ODR4: variants seen among roughly 807,000 people sequenced by gnomAD.
The protein encoded by ODR4 is protein odr-4 homolog.
In ODR4, 47 loss-of-function variants were observed where a neutral mutation model predicts 60.2. The ratio of observed to expected loss-of-function variants is 0.78; its 90% confidence interval spans 0.62 to 1.00. ODR4 has a LOEUF of 1.00. ODR4 is among the 50% of genes least tolerant of loss of function. The pLI is 0.00. For synonymous variants in ODR4, 178 were observed against 175.5 expected (o/e 1.01, Z -0.11); for missense variants, 488 against 530.8 (o/e 0.92, Z 0.79).
chr1:186,389,556 T>G (rs567677167), intron 5 of ODR4, 32 bp from the exon 6 acceptor site: 2 of 1,498,652 alleles, frequency 1.3e-6, no homozygotes, highest in East Asian at 2.3e-5. Flanking sequence ...AATAATGCCT[T>G]TTTTGGTTAT....
chr1:186,381,491 C>T (rs1384026379), intron 2 of ODR4, among the ~76,000 whole-genome samples: 16 of 152,070 alleles, frequency 1.1e-4, no homozygotes, highest in Admixed American at 1.0e-3. Flanking sequence ...CCTCGCCCGG[C>T]TAATTTTTTG....
intron 12 of ODR4, among the ~76,000 whole-genome samples, chr1:186,406,496 T>G (rs1661178938): frequency 6.6e-6 from 1 of 152,258 alleles, no homozygotes; most frequent in East Asian, 1.9e-4. Flanking sequence ...TACTAAGGTA[T>G]TTTTCAAGCT....
chr1:186,384,020 C>CAA (rs2102021077), intron 3 of ODR4, among the ~76,000 whole-genome samples: 1 of 152,286 alleles, frequency 6.6e-6, no homozygotes, highest in East Asian at 1.9e-4. Context: ...GACTGGGCGA[C>CAA]AAAGCGAGAC....
intron 4 of ODR4, among the ~76,000 whole-genome samples, chr1:186,387,769 C>T (rs1005270495): frequency 1.3e-5 from 2 of 152,180 alleles, no homozygotes; most frequent in Admixed American, 1.3e-4. Context: ...AGATTTCTCT[C>T]TGCACATTAT....
Position 186,419,273 on chromosome 1 carries a change from C to T in ODR4, c.*197C>T. On this transcript the variant is annotated 3_prime_UTR_variant, in exon 14 of 14. Coordinates refer to ENST00000287859, the MANE Select transcript of ODR4 (RefSeq NM_017847.6). ...CCTGCTTTACATTGTAGGTGGCCCG[C>T]ATTTCCAGAAATAACGTTATGCATC... The T allele has an allele frequency of 1.8e-6, 1 of 568,336 alleles. No individual in the cohort carries two copies. Among genetic ancestry groups the T allele is most frequent in the Non-Finnish European group, 3.1e-6 (1 of 319,798 alleles). 35.2% of individuals were successfully genotyped at this position (568,336 alleles called of 1,614,324 possible).
chr1:186,388,618 C>A, intron 5 of ODR4, 70 bp downstream of exon 5: 2 of 875,330 alleles, frequency 2.3e-6, no homozygotes, highest in Non-Finnish European at 3.3e-6. Context: ...GGTTTTTTTG[C>A]TATTTATTTA....
intron 11 of ODR4, among the ~76,000 whole-genome samples, chr1:186,401,759 C>T (rs1025257572): frequency 6.6e-6 from 1 of 151,978 alleles, no homozygotes; most frequent in African/African-American, 2.4e-5. Flanking sequence ...ATTTGGTTTG[C>T]TAGTATTTTG....
At chr1:186,389,172 A>T (rs969286966) in intron 5 of ODR4, among the ~76,000 whole-genome samples, 1 of 152,154 alleles carries the variant, frequency 6.6e-6, no homozygotes, top group Non-Finnish European at 1.5e-5. Flanking sequence ...AACAACAAAA[A>T]AAATCTTTAG....
chr1:186,379,240 C>G (rs546704223), intron 1 of ODR4, among the ~76,000 whole-genome samples: 1 of 151,652 alleles, frequency 6.6e-6, no homozygotes, highest in Non-Finnish European at 1.5e-5. Context: ...GTCAGGAGTT[C>G]GAGACCAGCC....
chr1:186,398,380 G>A lies in ODR4; in HGVS notation c.848G>A (p.Gly283Asp), dbSNP rs1374224574. 2 of 1,611,534 alleles carry A rather than the reference G, an allele frequency of 1.2e-6. No individual in the cohort carries two copies. Among genetic ancestry groups the A allele is most frequent in the Non-Finnish European group, 8.5e-7 (1 of 1,178,514 alleles). The change falls in exon 10 of 14, where the codon GGT becomes GAT. Residue 283 changes from glycine to aspartate, a missense_variant. Transcript: ENST00000287859. ...TGTAGCGGTTCTGTAAACCTTAAGG[G>A]TGCTGTGAAATGCAGAGCTTATATC... The part of the protein sequence containing the change: ...QICSGSVNLK[G>D]AVKCRAYIHS...
intron 11 of ODR4, among the ~76,000 whole-genome samples, chr1:186,404,229 C>T (rs1383606827): frequency 6.6e-6 from 1 of 152,102 alleles, no homozygotes; most frequent in Non-Finnish European, 1.5e-5. Flanking sequence ...CTTTGGAGTG[C>T]TTTTTGAGAT....
chr1:186,409,935 T>C (rs1661308748), intron 12 of ODR4, among the ~76,000 whole-genome samples: 2 of 152,238 alleles, frequency 1.3e-5, no homozygotes, highest in African/African-American at 2.4e-5. Context: ...CACTAAACTT[T>C]CTTGTAGTTC....
downstream of ODR4, among the ~76,000 whole-genome samples, chr1:186,425,500 C>T (rs1190779614): frequency 6.6e-6 from 1 of 152,162 alleles, no homozygotes; most frequent in Non-Finnish European, 1.5e-5. Flanking sequence ...AAGATCTTGA[C>T]TTTGCTCTGA....
rs1571668434 is a variant in ODR4 at position 186,388,570 on chromosome 1, G to A, written c.437+22G>A. 4 of 1,339,570 alleles carry A rather than the reference G, an allele frequency of 3.0e-6. No homozygotes were observed. In the African/African-American group the frequency reaches 4.5e-5, roughly 15 times the overall value. 83.0% of individuals were successfully genotyped at this position (1,339,570 alleles called of 1,614,324 possible). ...AAAAGTATCTTTTGTTCAGTTTATG[G>A]TTTAAAAGTACAAAGTACCAAAATA... On this transcript the variant is annotated intron_variant, in intron 5 of 13. Coordinates refer to ENST00000287859, the MANE Select transcript of ODR4 (RefSeq NM_017847.6).
intron 9 of ODR4, among the ~76,000 whole-genome samples, chr1:186,397,258 G>A (rs1220031193): frequency 2.0e-5 from 3 of 152,078 alleles, no homozygotes; most frequent in Admixed American, 6.6e-5. Flanking sequence ...ATTTATTCCT[G>A]ATTGCATAAG....
chr1:186,415,520 GTT>G (rs1488292325), intron 12 of ODR4, among the ~76,000 whole-genome samples: 16 of 152,110 alleles, frequency 1.1e-4, no homozygotes, highest in African/African-American at 3.6e-4. Flanking sequence ...TCATAATCTA[GTT>G]CCCTGGAGTT....
chr1:186,376,558 C>T (rs1033165505), intron 1 of ODR4, among the ~76,000 whole-genome samples: 22 of 152,142 alleles, frequency 1.4e-4, no homozygotes, highest in African/African-American at 5.1e-4. Flanking sequence ...TTCTTTTTCT[C>T]TAGTTCTTAC....
At chr1:186,398,603 T>A (rs1474679951) in intron 10 of ODR4, among the ~76,000 whole-genome samples, 162 bp downstream of exon 10, 3 of 152,200 alleles carry the variant, frequency 2.0e-5, no homozygotes, top group African/African-American at 7.2e-5. Context: ...TGTGAAGATT[T>A]TCATATGTAG....
downstream of ODR4, among the ~76,000 whole-genome samples, chr1:186,422,048 AT>A (rs1661798461): frequency 6.6e-6 from 1 of 152,094 alleles, no homozygotes; most frequent in African/African-American, 2.4e-5. Context: ...CAATTACCCA[AT>A]TAAATGATAG....
Sources: allele counts gnomAD v4.1 joint callset (sites outside exome capture counted in the v4.1 genomes callset), GRCh38; gene constraint gnomAD v4.1.1; transcripts MANE v1.5; gene names NCBI Gene and HGNC (gene_info 2026-07-23, HGNC 2026-07-21).